The following ZBTB32 variants were observed in gnomAD, a reference collection of about 807,000 sequenced individuals.
The protein encoded by ZBTB32 is zinc finger and BTB domain-containing protein 32.
Under a neutral mutation model 45.3 loss-of-function variants are expected in ZBTB32, and 28 were observed. That is an observed-to-expected ratio of 0.62 (90% CI 0.46 to 0.85). The LOEUF is 0.85. ZBTB32 is among the 40% of genes least tolerant of loss of function. ZBTB32 has a pLI of 0.00. For missense variants in ZBTB32, 587 were observed against 624.4 expected, an observed-to-expected ratio of 0.94 and a Z score of 0.64; for synonymous variants, 283 against 255.7, an observed-to-expected ratio of 1.11 and a Z score of -1.02.
Position 35,710,553 on chromosome 19 carries a change from A to T in ZBTB32, c.-221-2364A>T, listed in dbSNP as rs184140134. Among the ~76,000 whole-genome samples, 88 of 152,250 alleles carry T rather than the reference A, an allele frequency of 5.8e-4. No homozygotes were observed. In the Middle Eastern group the frequency reaches 0.027, roughly 47 times the overall value. Reference sequence around the variant, plus strand: ...GATCACCTGAGGTTAGGAGTTCGAGACCAGCCTGGCTAACATGGTGAAACC... The same window carrying T: ...GATCACCTGAGGTTAGGAGTTCGAGTCCAGCCTGGCTAACATGGTGAAACC... On this transcript the variant is annotated intron_variant, in intron 1 of 6. Coordinates refer to ENST00000392197, the MANE Select transcript of ZBTB32 (RefSeq NM_014383.3).
intron 1 of ZBTB32, among the ~76,000 whole-genome samples, chr19:35,706,999 G>C (rs575044706): frequency 6.6e-6 from 1 of 152,138 alleles, no homozygotes; most frequent in South Asian, 2.1e-4. Flanking sequence ...GTGGGGGCCC[G>C]GGGTGCTGGC....
chr19:35,708,285 G>A (rs187737891), intron 1 of ZBTB32, among the ~76,000 whole-genome samples: 53 of 152,236 alleles, frequency 3.5e-4, no homozygotes, highest in Non-Finnish European at 6.2e-4. Context: ...TCCTGTGTAG[G>A]GGGCCTCAGA....
rs778684461 is a variant in ZBTB32 at position 35,715,822 on chromosome 19, C to T, written c.947C>T (p.Pro316Leu). The change falls in exon 4 of 7, where the codon CCT (proline) becomes CTT (leucine). Residue 316 changes from proline to leucine, a missense_variant. By Grantham distance (98) the Pro-to-Leu change is moderately conservative. Coordinates refer to ENST00000392197, the MANE Select transcript of ZBTB32 (RefSeq NM_014383.3). ...CAGAACCAGTTGGCCTCCTCCAGCC[C>T]TACCCCAGGTAAGCCCCTCGCTGTC... ...WSQNQLASSS[P>L]TPGSLPQGPA... 18 of 1,613,754 alleles carry T rather than the reference C, an allele frequency of 1.1e-5. No individual in the cohort carries two copies. The highest frequency in any genetic ancestry group is 1.5e-5 in the Non-Finnish European group (18 of 1,179,896).
intron 3 of ZBTB32, 106 bp downstream of exon 3, chr19:35,715,613 G>A: frequency 6.7e-7 from 1 of 1,487,566 alleles, no homozygotes; most frequent in Non-Finnish European, 9.0e-7. Context: ...CACAGTTCCT[G>A]AGCTGGGGAA....
At position 35,716,695 on chromosome 19, in the gene ZBTB32, C is replaced by T. The variant is rs149724536; in HGVS notation, c.1407C>T (p.Ser469=). 4 of 1,614,048 alleles carry T rather than the reference C, an allele frequency of 2.5e-6. No individual in the cohort carries two copies. Among genetic ancestry groups the T allele is most frequent in the Non-Finnish European group, 3.4e-6 (4 of 1,179,948 alleles). Residue 469 remains serine, a synonymous_variant, in exon 7 of 7, where the codon TCC becomes TCT. Transcript: ENST00000392197. ...TCCGCTCCACCTTCCTCTACTCCTC[C>T]TCGAGGCCGTCTCGGCCCTCGACCT... ...WTIRSTFLYS[S]SRPSRPSTSP...
chr19:35,716,199 C>T lies in ZBTB32; in HGVS notation c.1091C>T (p.Pro364Leu), dbSNP rs867346854. The part of the protein sequence containing the change: ...AGCPPRPHPP[P>L]APPARSRPYA... ...TGCCCACCTCGCCCGCACCCTCCCC[C>T]GGCCCCTCCTGCTCGGTCTCGGCCC... is the stretch of plus-strand genomic sequence containing the variant. The change falls in exon 6 of 7, where the codon CCG becomes CTG. Residue 364 changes from proline (P) to leucine (L), a missense_variant. Coordinates refer to ENST00000392197, the MANE Select transcript of ZBTB32 (RefSeq NM_014383.3). The T allele has an allele frequency of 1.9e-6, 3 of 1,613,722 alleles. No homozygotes were observed. Among genetic ancestry groups the T allele is most frequent in the African/African-American group, 1.3e-5 (1 of 74,910 alleles).
At chr19:35,705,030 G>A (rs1267511308) in intron 1 of ZBTB32, among the ~76,000 whole-genome samples, 1 of 152,244 alleles carries the variant, frequency 6.6e-6, no homozygotes, top group Non-Finnish European at 1.5e-5. Context: ...CAGGGGCTGG[G>A]CGCGGTGGCT....
At position 35,716,237 on chromosome 19, in the gene ZBTB32, G is replaced by A. The variant is rs1968888963; in HGVS notation, c.1129G>A (p.Val377Ile). Residue 377 changes from valine to isoleucine, a missense_variant, in exon 6 of 7, where the codon GTC becomes ATC. Val to Ile is a conservative substitution (Grantham distance 29). Transcript: ENST00000392197. ...TCGGTCTCGGCCCTATGCGTGCTCT[G>A]TCTGTGGAAAGAGGTTTTCACTCAA... The part of the protein sequence containing the change: ...PARSRPYACS[V>I]CGKRFSLKHQ... The A allele has an allele frequency of 6.2e-7, 1 of 1,613,788 alleles. No homozygotes were observed. The highest frequency in any genetic ancestry group is 1.1e-5 in the South Asian group (1 of 91,074).
rs3787052 is a variant in ZBTB32 at position 35,711,153 on chromosome 19, G to C, written c.-221-1764G>C. Among the ~76,000 whole-genome samples the C allele has an allele frequency of 3.3e-5, 5 of 152,172 alleles. No individual in the cohort carries two copies. The South Asian group carries it at 6.2e-4, about 19-fold the overall frequency. On this transcript the variant is annotated intron_variant, in intron 1 of 6. Transcript: ENST00000392197. Reference sequence around the variant, plus strand: ...ATCATCAATGAGCAAACCAGCGGGGGAGCTGAGTCACAAGCACATGATGTG... The same window carrying C: ...ATCATCAATGAGCAAACCAGCGGGGCAGCTGAGTCACAAGCACATGATGTG...
chr19:35,706,089 G>A (rs1269156188), intron 1 of ZBTB32, among the ~76,000 whole-genome samples: 25 of 152,004 alleles, frequency 1.6e-4, no homozygotes, highest in Admixed American at 1.6e-3. Context: ...TTAGCTGGGC[G>A]TGGTGGCACA....
chr19:35,709,607 G>T (rs985763961), intron 1 of ZBTB32, among the ~76,000 whole-genome samples: 1 of 152,188 alleles, frequency 6.6e-6, no homozygotes, highest in Admixed American at 6.6e-5. Context: ...CAGGCCAGGC[G>T]TGGTGCCTCA....
intron 3 of ZBTB32, 55 bp from the exon 4 acceptor site, chr19:35,715,702 G>A (rs967796364): frequency 5.6e-5 from 87 of 1,545,458 alleles, no homozygotes; most frequent in Non-Finnish European, 7.5e-5. Flanking sequence ...TCTTCACGAA[G>A]GGGCCAGGCT....
At chr19:35,706,245 C>T (rs1006157750) in intron 1 of ZBTB32, among the ~76,000 whole-genome samples, 1 of 137,556 alleles carries the variant, frequency 7.3e-6, no homozygotes, top group Non-Finnish European at 1.6e-5. Flanking sequence ...AAAAAAAAAA[C>T]TGGAATTGGG....
At chr19:35,710,000 A>C (rs1968646496) in intron 1 of ZBTB32, among the ~76,000 whole-genome samples, 1 of 152,084 alleles carries the variant, frequency 6.6e-6, no homozygotes, top group Non-Finnish European at 1.5e-5. Flanking sequence ...ACCTGACATC[A>C]AGAATTTGAG....
intron 2 of ZBTB32, chr19:35,714,271 G>A (rs755145543): frequency 2.3e-4 from 43 of 186,782 alleles, no homozygotes; most frequent in African/African-American, 6.8e-4. Context: ...TATCTTTTAC[G>A]TCAGAGACTG....
Position 35,715,036 on chromosome 19 carries a change from A to G in ZBTB32, c.410A>G (p.Asn137Ser). ...GAGGAGCCAGAGAAACCCTCAAGGA[A>G]TCCTGAGAGAGAACTGGGGGACCCT... is the stretch of plus-strand genomic sequence containing the variant. ...HQEEPEKPSR[N>S]PERELGDPGE... is the part of the protein sequence containing the mutation. Residue 137 changes from asparagine (N) to serine (S), a missense_variant, in exon 3 of 7, where the codon AAT becomes AGT. Physicochemically the swap from Asn to Ser is conservative, Grantham distance 46. Transcript: ENST00000392197. 1.2e-6 allele frequency: 2 copies of G among 1,613,040 alleles called. No individual in the cohort carries two copies. Among genetic ancestry groups the G allele is most frequent in the Non-Finnish European group, 1.7e-6 (2 of 1,179,762 alleles).
chr19:35,715,717 G>T, intron 3 of ZBTB32, 40 bp from the exon 4 acceptor site: 1 of 1,567,446 alleles, frequency 6.4e-7, no homozygotes, highest in Non-Finnish European at 8.7e-7. Context: ...CAGGCTCCCA[G>T]GTTTAGCCAA....
chr19:35,712,102 C>A (rs1005535396), intron 1 of ZBTB32, among the ~76,000 whole-genome samples: 1 of 151,226 alleles, frequency 6.6e-6, no homozygotes, highest in Non-Finnish European at 1.5e-5. Flanking sequence ...AGCAGCTTAC[C>A]AGTACCTGAC....
At position 35,715,225 on chromosome 19, in the gene ZBTB32, T is replaced by A. The variant is rs749514335; in HGVS notation, c.599T>A (p.Val200Asp). The change falls in exon 3 of 7, where the codon GTT becomes GAT. Residue 200 changes from valine to aspartate, a missense_variant. By Grantham distance (152) the Val-to-Asp change is radical (BLOSUM62 -3). Transcript: ENST00000392197. The part of the protein sequence containing the change: ...RSKEKRLQAP[V>D]GQRGADGKHG... ...AAGGAGAAACGCCTCCAAGCCCCTG[T>A]TGGCCAAAGGGGAGCAGATGGGAAG... The A allele has an allele frequency of 1.2e-6, 2 of 1,605,662 alleles. No homozygotes were observed. The highest frequency in any genetic ancestry group is 1.7e-6 in the Non-Finnish European group (2 of 1,177,736).
Sources: gnomAD v4.1 joint callset for allele counts (sites outside exome capture counted in the v4.1 genomes callset) on GRCh38, gnomAD v4.1.1 for gene constraint, MANE v1.5 for transcripts, NCBI Gene and HGNC (gene_info 2026-07-23, HGNC 2026-07-21) for gene names.